Variants in CLDND2 observed in about 807,000 individuals in gnomAD.
CLDND2 encodes claudin domain-containing protein 2.
CLDND2 carries 18 observed loss-of-function variants against 17.7 expected under a neutral mutation model. That is an observed-to-expected ratio of 1.02 (90% CI 0.70 to 1.51). The LOEUF is 1.51. Ranked by LOEUF, CLDND2 falls within the 40% of genes most tolerant of loss-of-function variation. The pLI is 0.00. For synonymous variants in CLDND2, 113 were observed against 93.0 expected (o/e 1.22, Z -1.24); for missense variants, 233 against 219.6 (o/e 1.06, Z -0.39).
In CLDND2 at chr19:51,367,629, C is replaced by T; in HGVS notation, c.311-53G>A. 1 of 1,576,036 alleles carries T rather than the reference C, an allele frequency of 6.3e-7. No individual in the cohort carries two copies. Among genetic ancestry groups the T allele is most frequent in the Non-Finnish European group, 8.6e-7 (1 of 1,160,632 alleles). On this transcript the variant is annotated intron_variant, in intron 2 of 3. Transcript: ENST00000291715. This position sits in a 1 kb window ranked among gnomAD's most constrained non-coding sequence, Gnocchi z 7.4. ...CTAGCTGGGCCTGGTGGGGGCTGCA[C>T]CCAGGCCACGCCCCTTCAGACCCGC...
chr19:51,368,227 G>T, intron 1 of CLDND2, 182 bp downstream of exon 1: 1 of 895,866 alleles, frequency 1.1e-6, no homozygotes, highest in Non-Finnish European at 1.7e-6. Flanking sequence ...CCAGGACGGG[G>T]AGGGGGTCGG....
At chr19:51,366,780 C>T (rs1419599628), downstream of CLDND2, among the ~76,000 whole-genome samples, 1 of 152,018 alleles carries the variant, frequency 6.6e-6, no homozygotes, top group African/African-American at 2.4e-5. Flanking sequence ...CCTCGCGCGT[C>T]GGTCTCTCCA....
rs1321889026 is a variant in CLDND2 at position 51,367,394 on chromosome 19, G to C, written c.430+63C>G. 1 of 1,507,468 alleles carries C rather than the reference G, an allele frequency of 6.6e-7. No individual in the cohort carries two copies. Among genetic ancestry groups the C allele is most frequent in the African/African-American group, 1.4e-5 (1 of 72,362 alleles). The allele number at this position is 1,507,468 out of a possible 1,614,324, so 93.4% of individuals were successfully genotyped here. A position where few individuals can be genotyped will look rare whatever the true frequency, so the allele number is the denominator to read the frequency against. On this transcript the variant is annotated intron_variant, in intron 3 of 3. Transcript: ENST00000291715. The surrounding 1 kb of genome is among the most constrained non-coding windows in gnomAD (Gnocchi z 7.4). ...GGGGTTTCCTGGGAGGGCAGCTGGGGAGCCTCTGGGGTGAGGGTCTTCTGG... is the reference window on the plus strand; with the variant it reads ...GGGGTTTCCTGGGAGGGCAGCTGGGCAGCCTCTGGGGTGAGGGTCTTCTGG...
intron 1 of CLDND2, 167 bp from the exon 2 acceptor site, chr19:51,368,193 C>T: frequency 1.1e-6 from 1 of 886,456 alleles, no homozygotes; most frequent in African/African-American, 1.7e-5. Context: ...GAGGTCACAT[C>T]AGGACCTGCG....
Position 51,368,022 on chromosome 19 carries a change from C to G in CLDND2, c.174G>C (p.Thr58=). 1 of 1,608,014 alleles carries G rather than the reference C, an allele frequency of 6.2e-7. No individual in the cohort carries two copies. Among genetic ancestry groups the G allele is most frequent in the Non-Finnish European group, 8.5e-7 (1 of 1,177,812 alleles). The change falls in exon 2 of 4, where the codon ACG becomes ACC. Residue 58 remains threonine, a synonymous_variant. Coordinates refer to ENST00000291715, the MANE Select transcript of CLDND2 (RefSeq NM_152353.3). ...GICSSIPCQT[T]LAVTVACMVL... ...CCATGCACGCCACAGTCACCGCCAG[C>G]GTGGCTGGGGAGAGCGGGCGCATCA...
chr19:51,368,506 G>T lies in CLDND2; in HGVS notation c.72C>A (p.Leu24=). ...LSLVANVLMV[L]STATNYWTRQ... ...GGGTCCAGTAGTTGGTGGCCGTGGA[G>T]AGCACCATGAGGACGTTGGCCACGA... Residue 24 remains leucine, a synonymous_variant, in exon 1 of 4, where the codon CTC becomes CTA. Transcript: ENST00000291715. 6.2e-7 allele frequency: 1 copy of T among 1,614,118 alleles called. No homozygotes were observed. Among genetic ancestry groups the T allele is most frequent in the Non-Finnish European group, 8.5e-7 (1 of 1,179,994 alleles).
rs1415243617 is a variant in CLDND2 at position 51,368,733 on chromosome 19, TCAA to T, written c.-159_-157del. On this transcript the variant is annotated 5_prime_UTR_variant, in exon 1 of 4. Transcript: ENST00000291715. Reference sequence around the variant, plus strand: ...CTGGGGACCTGGAGACCCCCCTCCCTCAACAACCCTGCCTGAGGATCCACAACC... The same window carrying T: ...CTGGGGACCTGGAGACCCCCCTCCCTCAACCCTGCCTGAGGATCCACAACC... 6.4e-6 allele frequency: 4 copies of T among 625,286 alleles called. No homozygotes were observed. Among genetic ancestry groups the T allele is most frequent in the Non-Finnish European group, 1.1e-5 (4 of 365,754 alleles). 38.7% of individuals were successfully genotyped at this position (625,286 alleles called of 1,614,324 possible). A position where few individuals can be genotyped will look rare whatever the true frequency, so the allele number is the denominator to read the frequency against.
At chr19:51,368,202 C>A (rs1986512992) in intron 1 of CLDND2, 176 bp from the exon 2 acceptor site, 1 of 858,988 alleles carries the variant, frequency 1.2e-6, no homozygotes, top group Non-Finnish European at 1.8e-6. Flanking sequence ...TCAGGACCTG[C>A]GGTTACTGCC....
At position 51,368,525 on chromosome 19, in the gene CLDND2, G is replaced by A. The variant is rs907270970; in HGVS notation, c.53C>T (p.Ala18Val). ...CGTGGAGAGCACCATGAGGACGTTG[G>A]CCACGAGGCTGAGCAGAATGCCCCC... is the stretch of plus-strand genomic sequence containing the variant. ...QSGGILLSLV[A>V]NVLMVLSTAT... is the part of the protein sequence containing the mutation. The change falls in exon 1 of 4, where the codon GCC (alanine) becomes GTC (valine). Residue 18 changes from alanine (A) to valine (V), a missense_variant. By Grantham distance (64) the Ala-to-Val change is moderately conservative (BLOSUM62 0). Transcript: ENST00000291715. The A allele has an allele frequency of 6.2e-7, 1 of 1,614,014 alleles. No individual in the cohort carries two copies. The highest frequency in any genetic ancestry group is 8.5e-7 in the Non-Finnish European group (1 of 1,179,976).
At chr19:51,366,993 T>C, downstream of CLDND2, 1 of 703,436 alleles carries the variant, frequency 1.4e-6, no homozygotes, top group Non-Finnish European at 2.6e-6. Flanking sequence ...TGTCTCCCTG[T>C]CTCCACGTTC....
intron 1 of CLDND2, 27 bp from the exon 2 acceptor site, chr19:51,368,053 C>T: frequency 6.4e-7 from 1 of 1,573,046 alleles, no homozygotes; most frequent in Non-Finnish European, 8.6e-7. Flanking sequence ...CATCAGCCCC[C>T]GCGGGCGCCG....
downstream of CLDND2, among the ~76,000 whole-genome samples, chr19:51,366,822 C>T (rs1599850269): frequency 6.6e-6 from 1 of 152,102 alleles, no homozygotes. Flanking sequence ...CTGTCCCTTC[C>T]ATATCCGTAT....
downstream of CLDND2, among the ~76,000 whole-genome samples, chr19:51,366,855 T>G (rs1337289140): frequency 6.6e-6 from 1 of 151,898 alleles, no homozygotes; most frequent in Non-Finnish European, 1.5e-5. Flanking sequence ...GTGTCTCTAC[T>G]TCACCTCCAT....
Position 51,367,578 on chromosome 19 carries a change from T to C in CLDND2, c.311-2A>G, listed in dbSNP as rs751098608. The C allele has an allele frequency of 2.7e-5, 43 of 1,610,492 alleles. No individual in the cohort carries two copies. The highest frequency in any genetic ancestry group is 3.6e-5 in the Non-Finnish European group (43 of 1,178,574). On this transcript the variant is annotated splice_acceptor_variant, in intron 2 of 3. Coordinates refer to ENST00000291715, the MANE Select transcript of CLDND2 (RefSeq NM_152353.3). LOFTEE classifies it high-confidence loss of function. This position sits in a 1 kb window ranked among gnomAD's most constrained non-coding sequence, Gnocchi z 7.4. ...TCAAGGCGGTCAGCAGCAGCAGTCC[T>C]GGGCCCCGCCCAGCCGCAAGATGAG...
In CLDND2 at chr19:51,368,464, G is replaced by A. The variant is rs1156786260; in HGVS notation, c.114C>T (p.His38=). 5.0e-6 allele frequency: 8 copies of A among 1,614,006 alleles called. No individual in the cohort carries two copies. Among genetic ancestry groups the A allele is most frequent in the Admixed American group, 1.7e-5 (1 of 60,008 alleles). The change falls in exon 1 of 4, where the codon CAC becomes CAT. Residue 38 remains histidine, a synonymous_variant. Coordinates refer to ENST00000291715, the MANE Select transcript of CLDND2 (RefSeq NM_152353.3). ...TNYWTRQQEG[H]SGLWQECNHG... is the part of the protein sequence containing the mutation. ...GGTTGCATTCCTGCCACAGGCCACT[G>A]TGGCCCTCTTGTTGGCGGGTCCAGT...
In CLDND2 at chr19:51,368,691, G is replaced by T. The variant is rs564170911; in HGVS notation, c.-114C>A. On this transcript the variant is annotated 5_prime_UTR_variant, in exon 1 of 4. Transcript: ENST00000291715. The stretch of plus-strand genomic sequence containing the variant: ...TCCACACTCCTCCCCTGGTACTCCT[G>T]CCTGAGGTCCCTGCTTCTGGGGACC... 2.2e-6 allele frequency: 2 copies of T among 923,598 alleles called. No homozygotes were observed. Among genetic ancestry groups the T allele is most frequent in the African/African-American group, 1.7e-5 (1 of 59,378 alleles). 57.2% of individuals were successfully genotyped at this position (923,598 alleles called of 1,614,324 possible).
At chr19:51,367,072 C>T, downstream of CLDND2, 1 of 1,496,144 alleles carries the variant, frequency 6.7e-7, no homozygotes, top group Non-Finnish European at 9.3e-7. The surrounding 1 kb of genome is among the most constrained non-coding windows in gnomAD (Gnocchi z 7.4). Flanking sequence ...CCCCACGACC[C>T]GCAGAAAAGC....
rs1165096823 is a variant in CLDND2, at chr19:51,368,741, C to T, written c.-164G>A. On this transcript the variant is annotated 5_prime_UTR_variant, in exon 1 of 4. Coordinates refer to ENST00000291715, the MANE Select transcript of CLDND2 (RefSeq NM_152353.3). ...CTGGAGACCCCCCTCCCTCAACAAC[C>T]CTGCCTGAGGATCCACAACCTCCTC... 3.3e-6 allele frequency: 2 copies of T among 609,508 alleles called. No homozygotes were observed. The highest frequency in any genetic ancestry group is 6.1e-5 in the Admixed American group (2 of 32,778). The allele number at this position is 609,508 out of a possible 1,614,324, so 37.8% of individuals were successfully genotyped here. A position where few individuals can be genotyped will look rare whatever the true frequency, so the allele number is the denominator to read the frequency against.
Position 51,367,405 on chromosome 19 carries a change from G to GT in CLDND2, c.430+51dup. ...GGAGGGCAGCTGGGGAGCCTCTGGG[G>GT]TGAGGGTCTTCTGGGCAGTCTCCTC... On this transcript the variant is annotated intron_variant, in intron 3 of 3. Coordinates refer to ENST00000291715, the MANE Select transcript of CLDND2 (RefSeq NM_152353.3). This position sits in a 1 kb window ranked among gnomAD's most constrained non-coding sequence, Gnocchi z 7.4. 1 of 1,539,682 alleles carries GT rather than the reference G, an allele frequency of 6.5e-7. No homozygotes were observed. The highest frequency in any genetic ancestry group is 8.9e-7 in the Non-Finnish European group (1 of 1,128,320).
Sources: gnomAD v4.1 joint callset for allele counts (sites outside exome capture counted in the v4.1 genomes callset) on GRCh38, gnomAD v4.1.1 for gene constraint, Gnocchi (gnomAD v3.1) non-coding constraint, MANE v1.5 for transcripts, NCBI Gene and HGNC (gene_info 2026-07-23, HGNC 2026-07-21) for gene names.